The following DNM2 variants were observed in gnomAD, a reference collection of about 807,000 sequenced individuals.
DNM2 encodes the protein dynamin-2.
DNM2 carries 15 observed loss-of-function variants against 99.0 expected under a neutral mutation model. That is an observed-to-expected ratio of 0.15 (90% confidence interval 0.10 to 0.23). DNM2 has a LOEUF of 0.23. DNM2 is among the 10% of genes least tolerant of loss of function. The pLI, the probability that DNM2 is intolerant of heterozygous loss-of-function variation, is 1.00. For missense variants in DNM2, 742 were observed against 1,189.4 expected, an observed-to-expected ratio of 0.62 and a Z score of 5.53; for synonymous variants, 525 against 481.2, an observed-to-expected ratio of 1.09 and a Z score of -1.19.
chr19:10,797,564 C>T (rs748333890), intron 10 of DNM2, 46 bp downstream of exon 10: 2 of 1,613,250 alleles, frequency 1.2e-6, no homozygotes, highest in African/African-American at 2.7e-5. Context: ...CGTCCTCCCC[C>T]TCCATGTGTT....
chr19:10,755,734 G>T (rs571206916), intron 1 of DNM2, among the ~76,000 whole-genome samples: 1 of 152,086 alleles, frequency 6.6e-6, no homozygotes, highest in African/African-American at 2.4e-5. Context: ...TGCGATCTCG[G>T]CTCACTACAA....
intron 1 of DNM2, among the ~76,000 whole-genome samples, chr19:10,749,132 T>TG (rs1330152241): frequency 6.6e-6 from 1 of 152,170 alleles, no homozygotes; most frequent in African/African-American, 2.4e-5. Context: ...CCTGGGGTGC[T>TG]GGCTCTGGGC....
At chr19:10,730,951 G>A (rs753706243) in intron 1 of DNM2, among the ~76,000 whole-genome samples, 8 of 152,216 alleles carry the variant, frequency 5.3e-5, no homozygotes, top group Non-Finnish European at 8.8e-5. Context: ...CAAGAGGCCA[G>A]CAGAGCTGTC....
At chr19:10,786,165 T>C (rs2071550861) in intron 6 of DNM2, among the ~76,000 whole-genome samples, 1 of 152,208 alleles carries the variant, frequency 6.6e-6, no homozygotes, top group South Asian at 2.1e-4. Context: ...GGGGAGCTCA[T>C]CTTGAGTGCA....
At chr19:10,750,924 T>C (rs1357273629) in intron 1 of DNM2, among the ~76,000 whole-genome samples, 4 of 151,440 alleles carry the variant, frequency 2.6e-5, no homozygotes, top group African/African-American at 9.7e-5. Context: ...GTTAATAAAC[T>C]ACTTAATTGT....
At chr19:10,778,157 C>T (rs563772877) in intron 5 of DNM2, among the ~76,000 whole-genome samples, 185 of 151,894 alleles carry the variant, frequency 1.2e-3, no homozygotes, top group African/African-American at 3.8e-3. Context: ...GCCTCAGCCT[C>T]CCGAGTAGCT....
chr19:10,815,785 G>A (rs567469640), intron 15 of DNM2, among the ~76,000 whole-genome samples: 84 of 152,302 alleles, frequency 5.5e-4, no homozygotes, highest in Middle Eastern at 3.4e-3. Context: ...GGGTTTGGGG[G>A]AATGCTCTGT....
In DNM2 at chr19:10,820,110, G is replaced by A. The variant is rs1329818567; in HGVS notation, c.1781+21G>A. ...CAGAGGTGAGGGGCCCAGGGGCCTG[G>A]GGATGGCTCGGGGTGAAGACCAATG... On this transcript the variant is annotated intron_variant, in intron 16 of 20. Transcript: ENST00000389253. The surrounding 1 kb of genome is among the most constrained non-coding windows in gnomAD (Gnocchi z 4.3). 1.2e-6 allele frequency: 2 copies of A among 1,612,282 alleles called. No individual in the cohort carries two copies. The highest frequency in any genetic ancestry group is 1.3e-5 in the African/African-American group (1 of 74,888).
At position 10,816,792 on chromosome 19, in the gene DNM2, C is replaced by G. The variant is rs1429785641; in HGVS notation, c.1672-3188C>G. On this transcript the variant is annotated intron_variant, in intron 15 of 20. Transcript: ENST00000389253. The surrounding 1 kb of genome is among the most constrained non-coding windows in gnomAD (Gnocchi z 4.6). ...GGGCCTGAACCTCAGCCTGGCAGCT[C>G]TCTGCCTGGCAGCATTGCAAGTCTA... Among the ~76,000 whole-genome samples, 1 of 152,192 alleles carries G rather than the reference C, an allele frequency of 6.6e-6. No individual in the cohort carries two copies. The highest frequency in any genetic ancestry group is 1.5e-5 in the Non-Finnish European group (1 of 68,038).
intron 16 of DNM2, among the ~76,000 whole-genome samples, chr19:10,821,580 A>G (rs1464758726): frequency 1.3e-5 from 2 of 151,920 alleles, no homozygotes; most frequent in African/African-American, 2.4e-5. Flanking sequence ...TGCCCAGGCT[A>G]GAGTGCAATG....
At chr19:10,768,285 C>G (rs1209121147) in intron 2 of DNM2, among the ~76,000 whole-genome samples, 1 of 152,042 alleles carries the variant, frequency 6.6e-6, no homozygotes, top group Non-Finnish European at 1.5e-5. Context: ...AACCATGTCT[C>G]CACTAAAAAT....
At chr19:10,823,606 G>A (rs930455614) in intron 16 of DNM2, 182 bp from the exon 17 acceptor site, 2 of 603,772 alleles carry the variant, frequency 3.3e-6, no homozygotes, top group African/African-American at 1.8e-5. Flanking sequence ...TGCCGAGCTT[G>A]TGCACAGCGC....
intron 18 of DNM2, among the ~76,000 whole-genome samples, chr19:10,827,401 C>T: frequency 6.6e-6 from 1 of 151,928 alleles, no homozygotes; most frequent in African/African-American, 2.4e-5. Flanking sequence ...TTAATAGACT[C>T]TTATAAAATA....
At chr19:10,730,324 A>G (rs910236619) in intron 1 of DNM2, among the ~76,000 whole-genome samples, 1 of 152,164 alleles carries the variant, frequency 6.6e-6, no homozygotes, top group Non-Finnish European at 1.5e-5. Context: ...CAAAAATACA[A>G]AAATTAGCAG....
At chr19:10,762,266 G>A (rs1040738752) in intron 2 of DNM2, among the ~76,000 whole-genome samples, 22 of 152,130 alleles carry the variant, frequency 1.4e-4, no homozygotes, top group Non-Finnish European at 2.9e-4. Flanking sequence ...TGGAACTCCT[G>A]AGCTCAAATG....
intron 1 of DNM2, among the ~76,000 whole-genome samples, chr19:10,745,489 C>T (rs983597246): frequency 9.2e-5 from 14 of 152,122 alleles, no homozygotes; most frequent in Non-Finnish European, 1.6e-4. Flanking sequence ...CTTTGGGAGG[C>T]TGAGGTGGGA....
chr19:10,785,263 A>G (rs892754416), intron 6 of DNM2, among the ~76,000 whole-genome samples: 9 of 148,442 alleles, frequency 6.1e-5, no homozygotes, highest in African/African-American at 2.2e-4. Flanking sequence ...GACTATAGGC[A>G]CCCATCACCA....
intron 13 of DNM2, among the ~76,000 whole-genome samples, chr19:10,807,740 G>C (rs2072399066): frequency 6.8e-6 from 1 of 147,566 alleles, no homozygotes; most frequent in Non-Finnish European, 1.5e-5. Context: ...GTAGAGACAG[G>C]GTTTCACCAT....
chr19:10,831,856 C>A lies in DNM2; in HGVS notation c.*809C>A. 1 of 1,011,582 alleles carries A rather than the reference C, an allele frequency of 9.9e-7. No individual in the cohort carries two copies. The highest frequency in any genetic ancestry group is 1.2e-6 in the Non-Finnish European group (1 of 845,550). The allele number at this position is 1,011,582 out of a possible 1,614,324, so 62.7% of individuals were successfully genotyped here. A position where few individuals can be genotyped will look rare whatever the true frequency, so the allele number is the denominator to read the frequency against. On this transcript the variant is annotated 3_prime_UTR_variant, in exon 21 of 21. Transcript: ENST00000389253. The surrounding 1 kb of genome is among the most constrained non-coding windows in gnomAD (Gnocchi z 4.3). ...AGTTTGACCACTGTAAGTGCCTGCACTCTGTATTCTATTAATAAACTAAAA... is the reference window on the plus strand; with the variant it reads ...AGTTTGACCACTGTAAGTGCCTGCAATCTGTATTCTATTAATAAACTAAAA...
Sources: allele counts gnomAD v4.1 joint callset (sites outside exome capture counted in the v4.1 genomes callset), GRCh38; gene constraint gnomAD v4.1.1; non-coding constraint Gnocchi (gnomAD v3.1); transcripts MANE v1.5; gene names NCBI Gene and HGNC (gene_info 2026-07-23, HGNC 2026-07-21).